Variants in HELZ observed in about 807,000 individuals in gnomAD.
HELZ encodes the protein ATP-dependent RNA helicase with zinc finger domain.
In HELZ, 23 loss-of-function variants were observed where a neutral mutation model predicts 218.2. The observed-to-expected ratio is 0.11, with a 90% confidence interval of 0.08 to 0.15. The LOEUF (loss-of-function observed/expected upper bound fraction) is 0.15, where lower values mean the gene tolerates loss of function less well. Among genes scored for constraint, HELZ ranks in the 10% least tolerant of loss-of-function variants. The pLI, the probability that HELZ is intolerant of heterozygous loss-of-function variation, is 1.00. For missense variants in HELZ, 1,813 were observed against 2,353.7 expected (o/e 0.77, Z 4.75); for synonymous variants, 814 against 829.4 (o/e 0.98, Z 0.32).
intron 8 of HELZ, among the ~76,000 whole-genome samples, 179 bp from the exon 9 acceptor site, chr17:67,194,221 A>C (rs1048073560): frequency 6.6e-6 from 1 of 152,210 alleles, no homozygotes. Context: ...AAAACATAGG[A>C]ATCACTGAAG....
chr17:67,141,799 C>A (rs1270581702), intron 21 of HELZ, among the ~76,000 whole-genome samples: 1 of 152,144 alleles, frequency 6.6e-6, no homozygotes, highest in Non-Finnish European at 1.5e-5. Flanking sequence ...AATCCCAACA[C>A]TTTGGGAGGC....
intron 31 of HELZ, among the ~76,000 whole-genome samples, chr17:67,094,343 G>C (rs1458840377): frequency 6.6e-6 from 1 of 150,798 alleles, no homozygotes; most frequent in Non-Finnish European, 1.5e-5. Context: ...AAGAGAGAGA[G>C]AGAGAGAGAG....
intron 5 of HELZ, among the ~76,000 whole-genome samples, chr17:67,207,015 C>T (rs572503012): frequency 2.0e-5 from 3 of 147,796 alleles, no homozygotes; most frequent in African/African-American, 5.0e-5. Flanking sequence ...CAGGTTCAAG[C>T]GACTATCCTA....
chr17:67,089,968 A>T (rs1416025004), intron 31 of HELZ, among the ~76,000 whole-genome samples: 1 of 152,008 alleles, frequency 6.6e-6, no homozygotes, highest in Non-Finnish European at 1.5e-5. Context: ...AGGAATGTTG[A>T]GAACAAATGT....
rs1662249378 is a variant in HELZ at position 67,073,609 on chromosome 17, T to G, written c.*4643A>C. 6.6e-6 allele frequency: 1 copy of G among 152,196 alleles called. No individual in the cohort carries two copies. Among genetic ancestry groups the G allele is most frequent in the South Asian group, 2.1e-4 (1 of 4,830 alleles). The allele number at this position is 152,196 out of a possible 1,614,324, so 9.4% of individuals were successfully genotyped here. ...TCTAAGTCTAGATTCTTCTATTAGG[T>G]ACCTCCCTCCAAAAAATTTTTAGAA... On this transcript the variant is annotated 3_prime_UTR_variant, in exon 33 of 33. Coordinates refer to ENST00000358691, the MANE Select transcript of HELZ (RefSeq NM_014877.4).
Position 67,078,410 on chromosome 17 carries a change from T to C in HELZ, c.5671A>G (p.Lys1891Glu). 6.2e-7 allele frequency: 1 copy of C among 1,600,794 alleles called. No homozygotes were observed. The highest frequency in any genetic ancestry group is 8.5e-7 in the Non-Finnish European group (1 of 1,175,674). Residue 1891 changes from lysine to glutamate, a missense_variant, in exon 33 of 33, where the codon AAG (lysine) becomes GAG (glutamate). Physicochemically the swap from Lys to Glu is moderately conservative, Grantham distance 56 (BLOSUM62 1). Around this residue, in one of 4 missense-constraint regions of HELZ, gnomAD observed 938 missense variants for 1,027.5 expected, o/e 0.91. Transcript: ENST00000358691. ...SSSPQSSAGGKPAMSYASALR... is the reference protein window; with the variant it reads ...SSSPQSSAGGEPAMSYASALR... ...GCGCTGGCATAGGACATGGCGGGCT[T>C]GCCCCCCGCAGAGCTCTGGGGGCTA...
At chr17:67,217,066 T>C (rs1369420194) in intron 4 of HELZ, among the ~76,000 whole-genome samples, 1 of 152,110 alleles carries the variant, frequency 6.6e-6, no homozygotes, top group African/African-American at 2.4e-5. Flanking sequence ...TGAATCTCTC[T>C]CCCAAATTCC....
intron 3 of HELZ, among the ~76,000 whole-genome samples, chr17:67,229,506 T>C (rs778016590): frequency 6.6e-6 from 1 of 152,210 alleles, no homozygotes; most frequent in Non-Finnish European, 1.5e-5. Context: ...TAAAATGCCT[T>C]ATCTGCCCAA....
chr17:67,147,244 T>C (rs559452966), intron 20 of HELZ, among the ~76,000 whole-genome samples: 10 of 152,316 alleles, frequency 6.6e-5, no homozygotes, highest in Admixed American at 5.2e-4. Context: ...GAATTGCCCC[T>C]GTGGTGTTAT....
intron 31 of HELZ, among the ~76,000 whole-genome samples, chr17:67,087,951 A>G (rs1451353989): frequency 6.6e-6 from 1 of 152,182 alleles, no homozygotes; most frequent in African/African-American, 2.4e-5. Flanking sequence ...CCTCCATCTA[A>G]GGCTAGACTG....
At chr17:67,151,984 T>C (rs990005959) in intron 17 of HELZ, among the ~76,000 whole-genome samples, 2 of 152,196 alleles carry the variant, frequency 1.3e-5, no homozygotes, top group Admixed American at 6.5e-5. Context: ...TGAGCAATCC[T>C]TGGGTTTACT....
At chr17:67,216,060 C>T in intron 4 of HELZ, 125 bp from the exon 5 acceptor site, 1 of 683,490 alleles carries the variant, frequency 1.5e-6, no homozygotes, top group East Asian at 2.8e-5. Context: ...TTACTATTCA[C>T]AGAGCAAAGC....
intron 21 of HELZ, among the ~76,000 whole-genome samples, chr17:67,140,452 T>G (rs572912577): frequency 2.6e-5 from 4 of 152,274 alleles, no homozygotes; most frequent in South Asian, 2.1e-4. Context: ...AATGAAAAAT[T>G]TATTGCCAGG....
Position 67,137,920 on chromosome 17 carries a change from T to A in HELZ, c.2953+11A>T, listed in dbSNP as rs146374805. On this transcript the variant is annotated intron_variant, in intron 22 of 32. Transcript: ENST00000358691. ...ATTTGAATGACTGAATTCATTTCAA[T>A]TGACACTTACCTTGAACATTTAGCA... The A allele has an allele frequency of 6.3e-7, 1 of 1,575,456 alleles. No individual in the cohort carries two copies. The highest frequency in any genetic ancestry group is 8.7e-7 in the Non-Finnish European group (1 of 1,154,546).
At chr17:67,234,931 T>A (rs1037259424) in intron 3 of HELZ, among the ~76,000 whole-genome samples, 4 of 152,154 alleles carry the variant, frequency 2.6e-5, no homozygotes, top group African/African-American at 7.2e-5. Context: ...TTCCCTGATA[T>A]CCCCAAGAAG....
At chr17:67,201,264 T>G (rs2040162207) in intron 6 of HELZ, 79 bp from the exon 7 acceptor site, 1 of 881,752 alleles carries the variant, frequency 1.1e-6, no homozygotes, top group African/African-American at 1.7e-5. Context: ...AATTCCTCTG[T>G]TGTTTCTGAG....
chr17:67,236,275 T>C (rs1330047783), intron 3 of HELZ, among the ~76,000 whole-genome samples: 1 of 152,146 alleles, frequency 6.6e-6, no homozygotes, highest in Admixed American at 6.6e-5. Flanking sequence ...AGAAAAATGG[T>C]TTTCTCTACT....
Position 67,203,444 on chromosome 17 carries a change from C to G in HELZ, c.248-1G>C. 6.2e-7 allele frequency: 1 copy of G among 1,613,478 alleles called. No individual in the cohort carries two copies. Among genetic ancestry groups the G allele is most frequent in the South Asian group, 1.1e-5 (1 of 90,930 alleles). On this transcript the variant is annotated splice_acceptor_variant, in intron 5 of 32. Transcript: ENST00000358691. LOFTEE classifies it high-confidence loss of function. Reference sequence around the variant, plus strand: ...CCCTTGGCCAGTCCTTCTCCCAGCACTGCCATGAAAGAACAGCCATCATTA... The same window carrying G: ...CCCTTGGCCAGTCCTTCTCCCAGCAGTGCCATGAAAGAACAGCCATCATTA...
intron 3 of HELZ, among the ~76,000 whole-genome samples, chr17:67,230,595 C>CA (rs376918246): frequency 0.85 from 94,855 of 111,414 alleles, 42,288 homozygotes; most frequent in East Asian, 0.97. Context: ...GACTCCATCT[C>CA]AAAAAAAAAA....
Sources: gnomAD v4.1 joint callset for allele counts (sites outside exome capture counted in the v4.1 genomes callset) on GRCh38, gnomAD v4.1.1 for gene constraint, gnomAD v4.1.1 regional missense constraint, MANE v1.5 for transcripts, NCBI Gene and HGNC (gene_info 2026-07-23, HGNC 2026-07-21) for gene names.